CELSR1: variants seen among roughly 807,000 people sequenced by gnomAD.
The protein encoded by CELSR1 is adhesion G protein-coupled receptor C1.
In CELSR1, 110 loss-of-function variants were observed where a neutral mutation model predicts 249.1. That is an observed-to-expected ratio of 0.44 (90% confidence interval 0.38 to 0.52). CELSR1 has a LOEUF of 0.52. CELSR1 is among the 20% of genes least tolerant of loss of function. The pLI is 0.00. For synonymous variants in CELSR1, 2,113 were observed against 1,900.0 expected, an observed-to-expected ratio of 1.11 and a Z score of -2.92; for missense variants, 4,109 against 4,296.4, an observed-to-expected ratio of 0.96 and a Z score of 1.22.
chr22:46,375,823 G>A lies in CELSR1; in HGVS notation c.7584+1238C>T, dbSNP rs561492202. ...GCCTCCTAAAGTGCTGGGATTACAG[G>A]CATGAACCAACGTGCCCAGCCTAAT... On this transcript the variant is annotated intron_variant, in intron 24 of 34. Coordinates refer to ENST00000674500, the MANE Select transcript of CELSR1 (RefSeq NM_001378328.1). 1.4e-4 allele frequency among the ~76,000 whole-genome samples: 22 copies of A among 152,288 alleles called. No individual in the cohort carries two copies. In the South Asian group the frequency reaches 3.7e-3, roughly 26 times the overall value.
intron 2 of CELSR1, among the ~76,000 whole-genome samples, chr22:46,459,115 C>T (rs904170048): frequency 6.6e-6 from 1 of 152,162 alleles, no homozygotes; most frequent in Non-Finnish European, 1.5e-5. Context: ...GTCTCAATCT[C>T]CTGACCTCGT....
rs551699148 is a variant in CELSR1 at position 46,527,473 on chromosome 22, T to C, written c.3544+6154A>G. On this transcript the variant is annotated intron_variant, in intron 1 of 34. Coordinates refer to ENST00000674500, the MANE Select transcript of CELSR1 (RefSeq NM_001378328.1). The surrounding 1 kb of genome is among the most constrained non-coding windows in gnomAD (Gnocchi z 5.5). ...CACACACTGCACACGTCCAGGGGGG[T>C]AGAGAAGAGTCCCAGCCCGCCCTTG... Among the ~76,000 whole-genome samples the C allele has an allele frequency of 2.6e-5, 4 of 151,818 alleles. No individual in the cohort carries two copies. Among genetic ancestry groups the C allele is most frequent in the South Asian group, 2.1e-4 (1 of 4,798 alleles).
chr22:46,510,624 C>T (rs936761014), intron 1 of CELSR1, among the ~76,000 whole-genome samples: 3 of 152,096 alleles, frequency 2.0e-5, no homozygotes, highest in African/African-American at 4.8e-5. Flanking sequence ...CAGAGCGCAG[C>T]GGAAGGAAAA....
chr22:46,480,007 T>C (rs191475304), intron 1 of CELSR1, among the ~76,000 whole-genome samples: 3 of 152,344 alleles, frequency 2.0e-5, no homozygotes, highest in Admixed American at 6.5e-5. Context: ...ATTCCATCTG[T>C]TCTACAAAAA....
chr22:46,501,394 C>A (rs1471966052), intron 1 of CELSR1, among the ~76,000 whole-genome samples: 1 of 151,870 alleles, frequency 6.6e-6, no homozygotes, highest in Admixed American at 6.6e-5. Context: ...TTAGTAGAGA[C>A]GAGGTTTCAC....
chr22:46,454,238 C>T lies in CELSR1; in HGVS notation c.4183+9469G>A, dbSNP rs951774996. 4.9e-4 allele frequency among the ~76,000 whole-genome samples: 75 copies of T among 152,300 alleles called. No individual in the cohort carries two copies. The highest frequency in any genetic ancestry group is 1.7e-3 in the African/African-American group (71 of 41,572). On this transcript the variant is annotated intron_variant, in intron 2 of 34. Transcript: ENST00000674500. This position sits in a 1 kb window ranked among gnomAD's most constrained non-coding sequence, Gnocchi z 5.1. ...CCTCCCCAGGGCCTCCCGGAGCAGC[C>T]CCGCCCACGCCCCTGAATGCAGGGC... is the stretch of plus-strand genomic sequence containing the variant.
intron 1 of CELSR1, among the ~76,000 whole-genome samples, chr22:46,501,874 T>C (rs1481952623): frequency 6.6e-6 from 1 of 152,158 alleles, no homozygotes; most frequent in Non-Finnish European, 1.5e-5. Context: ...AAAAATCATC[T>C]GATCTGCACC....
intron 1 of CELSR1, among the ~76,000 whole-genome samples, chr22:46,483,606 CCT>C (rs1220173407): frequency 6.6e-6 from 1 of 152,056 alleles, no homozygotes; most frequent in Admixed American, 6.6e-5. Flanking sequence ...CCTGGAGTCC[CCT>C]GAGGATTGCA....
intron 24 of CELSR1, among the ~76,000 whole-genome samples, chr22:46,375,480 G>C (rs1461901399): frequency 5.9e-5 from 9 of 151,854 alleles, no homozygotes; most frequent in Non-Finnish European, 1.3e-4. Flanking sequence ...CCACCTCCCA[G>C]GCCTGCGCAT....
In CELSR1 at chr22:46,439,226, C is replaced by T. The variant is rs1202780386; in HGVS notation, c.4369G>A (p.Gly1457Ser). 1.2e-6 allele frequency: 2 copies of T among 1,614,068 alleles called. No homozygotes were observed. The highest frequency in any genetic ancestry group is 1.1e-5 in the South Asian group (1 of 91,080). ...GTGAAGTGGAAGCGCTGTCTCAGGC[C>T]CCGGAAGGTGACGAAGGACTGGGGC... ...FPPQSFVTFR[G>S]LRQRFHFTIS... Residue 1457 changes from glycine (G) to serine (S), a missense_variant, in exon 3 of 35, where the codon GGC becomes AGC. Around this residue, in one of 7 missense-constraint regions of CELSR1, gnomAD observed 453 missense variants for 492.0 expected, o/e 0.92. Coordinates refer to ENST00000674500, the MANE Select transcript of CELSR1 (RefSeq NM_001378328.1).
rs111747284 is a variant in CELSR1 at position 46,422,965 on chromosome 22, G to A, written c.4611+10428C>T. ...CACGATGATGCCTCCTGCACTGTAC[G>A]TCTGGCCTCTGCAATGCCACCTCCT... On this transcript the variant is annotated intron_variant, in intron 5 of 34. Transcript: ENST00000674500. Among the ~76,000 whole-genome samples, 758 of 152,302 alleles carry A rather than the reference G, an allele frequency of 5.0e-3. 5 individuals are homozygous for A. Among genetic ancestry groups the A allele is most frequent in the Non-Finnish European group, 7.7e-3 (526 of 68,036 alleles).
At position 46,365,666 on chromosome 22, in the gene CELSR1, C is replaced by A; in HGVS notation, c.8324G>T (p.Gly2775Val). The A allele has an allele frequency of 6.3e-7, 1 of 1,582,416 alleles. No homozygotes were observed. The highest frequency in any genetic ancestry group is 1.8e-5 in the Admixed American group (1 of 55,406). Residue 2775 changes from glycine to valine, a missense_variant, in exon 31 of 35, where the codon GGC (glycine) becomes GTC (valine). Coordinates refer to ENST00000674500, the MANE Select transcript of CELSR1 (RefSeq NM_001378328.1). ...IVRDEGIQKLGVSSGLVRGSH... is the reference protein window; with the variant it reads ...IVRDEGIQKLVVSSGLVRGSH... ...GCCCCTCACCAGCCCAGAGGACACGCCGAGCTTCTGGATCCCTTCATCCCT... is the reference window on the plus strand; with the variant it reads ...GCCCCTCACCAGCCCAGAGGACACGACGAGCTTCTGGATCCCTTCATCCCT...
intron 28 of CELSR1, 23 bp downstream of exon 28, chr22:46,367,706 C>G (rs377097755): frequency 1.3e-6 from 2 of 1,579,616 alleles, no homozygotes; most frequent in Admixed American, 1.8e-5. Flanking sequence ...AGGGGTCCCG[C>G]GGGCAACTCG....
chr22:46,530,047 T>C (rs969911571), intron 1 of CELSR1, among the ~76,000 whole-genome samples: 29 of 151,686 alleles, frequency 1.9e-4, no homozygotes, highest in African/African-American at 7.0e-4. Flanking sequence ...CAGTGGCTCA[T>C]GCCTATAATT....
At position 46,533,881 on chromosome 22, in the gene CELSR1, T is replaced by C. The variant is rs769460485; in HGVS notation, c.3290A>G (p.Asn1097Ser). 1.9e-6 allele frequency: 3 copies of C among 1,612,746 alleles called. No individual in the cohort carries two copies. Among genetic ancestry groups the C allele is most frequent in the Middle Eastern group, 1.6e-4 (1 of 6,062 alleles). ...VHILLVDQND[N>S]PPVLPDFQIL... Reference sequence around the variant, plus strand: ...CTGGAAGTCGGGCAGCACAGGCGGGTTGTCATTCTGGTCCACGAGAAGGAT... The same window carrying C: ...CTGGAAGTCGGGCAGCACAGGCGGGCTGTCATTCTGGTCCACGAGAAGGAT... The change falls in exon 1 of 35, where the codon AAC becomes AGC. Residue 1097 changes from asparagine (N) to serine (S), a missense_variant. Transcript: ENST00000674500.
intron 2 of CELSR1, chr22:46,462,977 C>CATT (rs1263407806): frequency 2.2e-6 from 1 of 456,532 alleles, no homozygotes; most frequent in African/African-American, 2.0e-5. Flanking sequence ...ATTAATGGCT[C>CATT]AATGGTTTCC....
intron 24 of CELSR1, among the ~76,000 whole-genome samples, 167 bp downstream of exon 24, chr22:46,376,894 C>T (rs2078924539): frequency 6.6e-6 from 1 of 151,942 alleles, no homozygotes; most frequent in South Asian, 2.1e-4. Context: ...TCCCACATCT[C>T]CACCCACAGC....
rs1001588387 is a variant in CELSR1, at chr22:46,396,034, A to G, written c.5843+571T>C. Reference sequence around the variant, plus strand: ...CATGGGGCCTGTTTGCTCTGGGCCCAGTGAGGACTCCAGGTGAGTCATTTG... The same window carrying G: ...CATGGGGCCTGTTTGCTCTGGGCCCGGTGAGGACTCCAGGTGAGTCATTTG... On this transcript the variant is annotated intron_variant, in intron 13 of 34. Transcript: ENST00000674500. The surrounding 1 kb of genome is among the most constrained non-coding windows in gnomAD (Gnocchi z 6.4). 3.3e-5 allele frequency among the ~76,000 whole-genome samples: 5 copies of G among 152,160 alleles called. No individual in the cohort carries two copies. Among genetic ancestry groups the G allele is most frequent in the Admixed American group, 6.6e-5 (1 of 15,264 alleles).
At position 46,423,831 on chromosome 22, in the gene CELSR1, G is replaced by A. The variant is rs1030402262; in HGVS notation, c.4611+9562C>T. On this transcript the variant is annotated intron_variant, in intron 5 of 34. Coordinates refer to ENST00000674500, the MANE Select transcript of CELSR1 (RefSeq NM_001378328.1). The surrounding 1 kb of genome is among the most constrained non-coding windows in gnomAD (Gnocchi z 5.6). ...TACTAAAAATACCAAAATTAGCCAG[G>A]CGTGGTGGTGGTGCGCACCTGTAAT... Among the ~76,000 whole-genome samples, 6 of 151,772 alleles carry A rather than the reference G, an allele frequency of 4.0e-5. No homozygotes were observed. The highest frequency in any genetic ancestry group is 6.6e-5 in the Admixed American group (1 of 15,226).
Sources: gnomAD v4.1 joint callset for allele counts (sites outside exome capture counted in the v4.1 genomes callset) on GRCh38, gnomAD v4.1.1 for gene constraint, gnomAD v4.1.1 regional missense constraint, Gnocchi (gnomAD v3.1) non-coding constraint, MANE v1.5 for transcripts, NCBI Gene and HGNC (gene_info 2026-07-23, HGNC 2026-07-21) for gene names.